The following ANKIB1 variants were observed in gnomAD, a reference collection of about 807,000 sequenced individuals.
ANKIB1 encodes ankyrin repeat and IBR domain-containing protein 1.
ANKIB1 carries 43 observed loss-of-function variants against 122.1 expected under a neutral mutation model. That is an observed-to-expected ratio of 0.35 (90% CI 0.28 to 0.45). The LOEUF (loss-of-function observed/expected upper bound fraction) is 0.45. Ranked by LOEUF, ANKIB1 falls within the 20% of genes least tolerant of loss-of-function variation. The pLI is 1.00. For synonymous variants in ANKIB1, 390 were observed against 442.0 expected (o/e 0.88, Z 1.48); for missense variants, 992 against 1,329.5 (o/e 0.75, Z 3.95).
At chr7:92,285,189 G>C (rs889986561) in intron 1 of ANKIB1, among the ~76,000 whole-genome samples, 13 of 151,962 alleles carry the variant, frequency 8.6e-5, no homozygotes, top group African/African-American at 3.1e-4. Context: ...GCTAATTTTT[G>C]TATTTTTAGT....
intron 1 of ANKIB1, among the ~76,000 whole-genome samples, chr7:92,262,265 A>T (rs1801581616): frequency 6.6e-6 from 1 of 152,220 alleles, no homozygotes; most frequent in Admixed American, 6.5e-5. Context: ...AGATGTATGC[A>T]GTATAAATTA....
At position 92,246,153 on chromosome 7, in the gene ANKIB1, A is replaced by G. The variant is rs1224253033; in HGVS notation, c.-457A>G. 3.2e-6 allele frequency: 1 copy of G among 309,462 alleles called. No individual in the cohort carries two copies. Among genetic ancestry groups the G allele is most frequent in the Non-Finnish European group, 6.2e-6 (1 of 161,970 alleles). 19.2% of individuals were successfully genotyped at this position (309,462 alleles called of 1,614,324 possible). A position where few individuals can be genotyped will look rare whatever the true frequency, so the allele number is the denominator to read the frequency against. On this transcript the variant is annotated 5_prime_UTR_variant, in exon 1 of 20. Transcript: ENST00000265742. ...GGGCGGCCGGGGCTGCGAGCGCGCAAGGCTGGAACATGAGCCGGGCTTGAC... is the reference window on the plus strand; with the variant it reads ...GGGCGGCCGGGGCTGCGAGCGCGCAGGGCTGGAACATGAGCCGGGCTTGAC...
At chr7:92,289,881 A>C (rs568525146) in intron 1 of ANKIB1, among the ~76,000 whole-genome samples, 2 of 152,168 alleles carry the variant, frequency 1.3e-5, no homozygotes, top group African/African-American at 4.8e-5. Flanking sequence ...GGGTAGCACT[A>C]TCTCGGCTCA....
At chr7:92,364,310 TAAAA>T (rs762884822) in intron 10 of ANKIB1, among the ~76,000 whole-genome samples, 25 of 33,524 alleles carry the variant, frequency 7.5e-4, no homozygotes, top group African/African-American at 1.9e-3. Flanking sequence ...AGACTCCATC[TAAAA>T]AAAAAAAAAA....
intron 18 of ANKIB1, among the ~76,000 whole-genome samples, chr7:92,397,355 G>A (rs1322892938): frequency 2.0e-5 from 3 of 151,950 alleles, no homozygotes; most frequent in African/African-American, 7.3e-5. Flanking sequence ...GCATGGTGGT[G>A]CACATCTGTA....
At chr7:92,314,899 G>C (rs768127129) in intron 3 of ANKIB1, among the ~76,000 whole-genome samples, 23 of 152,130 alleles carry the variant, frequency 1.5e-4, no homozygotes, top group Non-Finnish European at 3.1e-4. Flanking sequence ...CAAAGCGTCT[G>C]GGTTTGTGTG....
chr7:92,286,003 T>C (rs994175453), intron 1 of ANKIB1, among the ~76,000 whole-genome samples: 1 of 152,194 alleles, frequency 6.6e-6, no homozygotes, highest in East Asian at 1.9e-4. Context: ...TTGGAGGTTT[T>C]ATAGAAGGTA....
intron 1 of ANKIB1, among the ~76,000 whole-genome samples, chr7:92,277,446 G>A (rs1015856298): frequency 1.3e-5 from 2 of 152,102 alleles, no homozygotes; most frequent in African/African-American, 2.4e-5. Flanking sequence ...ATCATAAGTC[G>A]AGGAGCATCT....
At position 92,373,859 on chromosome 7, in the gene ANKIB1, AC is replaced by A. The variant is rs1313039012; in HGVS notation, c.1617+2253del. Among the ~76,000 whole-genome samples, 29 of 152,336 alleles carry A rather than the reference AC, an allele frequency of 1.9e-4. No individual in the cohort carries two copies. The South Asian group carries it at 4.6e-3, about 24-fold the overall frequency. On this transcript the variant is annotated intron_variant, in intron 11 of 19. Coordinates refer to ENST00000265742, the MANE Select transcript of ANKIB1 (RefSeq NM_019004.2). ...AAATAAGCTTGTTTATTTTAAAAAC[AC>A]TTTTTAAAATTTCCCTTTAGATAAT...
At chr7:92,272,514 G>A (rs1024107593) in intron 1 of ANKIB1, among the ~76,000 whole-genome samples, 13 of 152,168 alleles carry the variant, frequency 8.5e-5, no homozygotes, top group Non-Finnish European at 1.8e-4. Context: ...CAAGAGGTAG[G>A]AAGATTTAGC....
At chr7:92,327,126 A>G (rs535487936) in intron 4 of ANKIB1, among the ~76,000 whole-genome samples, 2 of 152,342 alleles carry the variant, frequency 1.3e-5, no homozygotes, top group Admixed American at 1.3e-4. Context: ...ATAGGTTTTT[A>G]TTTCTAATAC....
chr7:92,386,730 T>G, intron 12 of ANKIB1, 87 bp downstream of exon 12: 1 of 1,243,966 alleles, frequency 8.0e-7, no homozygotes, highest in Admixed American at 3.8e-5. Context: ...TATTTTCATC[T>G]TAATAAAGTA....
chr7:92,277,525 A>G (rs1043203724), intron 1 of ANKIB1, among the ~76,000 whole-genome samples: 5 of 152,188 alleles, frequency 3.3e-5, no homozygotes, highest in African/African-American at 4.8e-5. Flanking sequence ...TTCCAGTCCA[A>G]TTAATTCAGT....
chr7:92,246,865 C>CT (rs1801088614), intron 1 of ANKIB1, among the ~76,000 whole-genome samples: 1 of 152,216 alleles, frequency 6.6e-6, no homozygotes, highest in Non-Finnish European at 1.5e-5. Flanking sequence ...GCCACGGGTT[C>CT]TGCCGACCTC....
chr7:92,337,559 T>C (rs1803314662), intron 5 of ANKIB1, among the ~76,000 whole-genome samples: 1 of 152,186 alleles, frequency 6.6e-6, no homozygotes. Flanking sequence ...TTGGGGTATA[T>C]GTTATGCATA....
intron 1 of ANKIB1, among the ~76,000 whole-genome samples, chr7:92,261,389 T>TGTTTG (rs1235672205): frequency 8.1e-6 from 1 of 122,976 alleles, no homozygotes; most frequent in East Asian, 3.2e-4. Flanking sequence ...CTATGTTTTT[T>TGTTTG]GTTTGTTTTG....
chr7:92,247,844 A>G (rs1262169830), intron 1 of ANKIB1, among the ~76,000 whole-genome samples: 2 of 152,212 alleles, frequency 1.3e-5, no homozygotes, highest in Non-Finnish European at 2.9e-5. Flanking sequence ...GCTGAAAAAC[A>G]TTGTCATTTC....
intron 1 of ANKIB1, among the ~76,000 whole-genome samples, chr7:92,293,134 C>A (rs994067010): frequency 6.6e-6 from 1 of 152,104 alleles, no homozygotes; most frequent in African/African-American, 2.4e-5. Flanking sequence ...CACCAGAAGC[C>A]TTTTATACAG....
rs753580295 is a variant in ANKIB1, at chr7:92,345,029, C to G, written c.1048C>G (p.Pro350Ala). Residue 350 changes from proline (P) to alanine (A), a missense_variant, in exon 7 of 20, where the codon CCC becomes GCC. Transcript: ENST00000265742. The part of the protein sequence containing the change: ...ISVFEDPVDM[P>A]CGHDFCRGCW... Reference sequence around the variant, plus strand: ...TGTATTTGAAGACCCTGTGGATATGCCCTGTGGACATGACTTTTGTAGAGG... The same window carrying G: ...TGTATTTGAAGACCCTGTGGATATGGCCTGTGGACATGACTTTTGTAGAGG... 6.2e-7 allele frequency: 1 copy of G among 1,613,318 alleles called. No homozygotes were observed. Among genetic ancestry groups the G allele is most frequent in the Admixed American group, 1.7e-5 (1 of 59,964 alleles).
Sources: gnomAD v4.1 joint callset for allele counts (sites outside exome capture counted in the v4.1 genomes callset) on GRCh38, gnomAD v4.1.1 for gene constraint, MANE v1.5 for transcripts, NCBI Gene and HGNC (gene_info 2026-07-23, HGNC 2026-07-21) for gene names.